PBRM1: variants seen among roughly 807,000 people sequenced by gnomAD.
The protein encoded by PBRM1 is protein polybromo-1.
PBRM1 carries 27 observed loss-of-function variants against 194.5 expected under a neutral mutation model. The observed-to-expected ratio is 0.14, with a 90% CI of 0.10 to 0.19. PBRM1 has a LOEUF of 0.19. PBRM1 is among the 10% of genes least tolerant of loss of function. The probability of loss-of-function intolerance (pLI) is 1.00; values close to 1 mark genes in which losing one functional copy is unlikely to be tolerated. For missense variants in PBRM1, 1,466 were observed against 2,077.2 expected, an observed-to-expected ratio of 0.71 and a Z score of 5.72; for synonymous variants, 655 against 693.2, an observed-to-expected ratio of 0.94 and a Z score of 0.87.
intron 3 of PBRM1, among the ~76,000 whole-genome samples, chr3:52,664,607 C>T (rs189653539): frequency 6.6e-6 from 1 of 151,208 alleles, no homozygotes; most frequent in African/African-American, 2.4e-5. Context: ...TGGTGGCAGG[C>T]GCCTGTAATC....
At chr3:52,652,106 G>A (rs969541915) in intron 5 of PBRM1, among the ~76,000 whole-genome samples, 8 of 152,210 alleles carry the variant, frequency 5.3e-5, no homozygotes, top group Non-Finnish European at 7.3e-5. Context: ...GGCTGGGGCC[G>A]GGTGCGGTAG....
chr3:52,640,068 T>C (rs2096010718), intron 10 of PBRM1, among the ~76,000 whole-genome samples: 1 of 152,196 alleles, frequency 6.6e-6, no homozygotes, highest in South Asian at 2.1e-4. Flanking sequence ...TATTTTGAGC[T>C]CTTCTACAAT....
intron 13 of PBRM1, among the ~76,000 whole-genome samples, chr3:52,619,054 C>T (rs894538744): frequency 5.9e-5 from 9 of 151,860 alleles, no homozygotes; most frequent in Non-Finnish European, 1.0e-4. Context: ...CGGCTGTGCC[C>T]GGCTAATTTT....
intron 10 of PBRM1, among the ~76,000 whole-genome samples, chr3:52,637,965 A>G (rs932981220): frequency 1.3e-4 from 20 of 151,862 alleles, no homozygotes; most frequent in Admixed American, 1.1e-3. Context: ...AGAAAAAAGA[A>G]AAAAAGGAGA....
At chr3:52,659,762 A>G (rs772322798) in intron 4 of PBRM1, among the ~76,000 whole-genome samples, 6 of 152,100 alleles carry the variant, frequency 3.9e-5, no homozygotes, top group Admixed American at 1.3e-4. Context: ...GAAACCTGAA[A>G]ATTTCTTCTC....
At chr3:52,546,285 A>T (rs976132697), downstream of PBRM1, 1 of 232,902 alleles carries the variant, frequency 4.3e-6, no homozygotes, top group Non-Finnish European at 8.5e-6. Flanking sequence ...TGATTGCATT[A>T]TACAGTCCAT....
chr3:52,567,938 C>A (rs551668399), intron 22 of PBRM1, among the ~76,000 whole-genome samples: 1 of 151,398 alleles, frequency 6.6e-6, no homozygotes, highest in Non-Finnish European at 1.5e-5. Flanking sequence ...TGTGAACCAC[C>A]GTGCCCAGCC....
intron 10 of PBRM1, among the ~76,000 whole-genome samples, chr3:52,641,449 AAAAAAAAAAAAAAAG>A (rs2096076517): frequency 6.8e-6 from 1 of 147,582 alleles, no homozygotes; most frequent in African/African-American, 2.5e-5. Flanking sequence ...TCCATCTCAA[AAAAAAAAAAAAAAAG>A]AAAAAAAAAA....
At chr3:52,574,653 G>A (rs2088759131) in intron 22 of PBRM1, among the ~76,000 whole-genome samples, 1 of 152,156 alleles carries the variant, frequency 6.6e-6, no homozygotes, top group African/African-American at 2.4e-5. Context: ...GACCTAAGAA[G>A]GCCCTAAGAT....
intron 22 of PBRM1, among the ~76,000 whole-genome samples, chr3:52,570,220 G>A (rs1047921871): frequency 6.6e-6 from 1 of 152,112 alleles, no homozygotes; most frequent in Admixed American, 6.6e-5. Context: ...CAGGTGATCC[G>A]CCCTCCTTGG....
intron 13 of PBRM1, 85 bp downstream of exon 15, chr3:52,624,812 C>T: frequency 5.6e-6 from 5 of 896,372 alleles, no homozygotes; most frequent in Non-Finnish European, 9.0e-6. Flanking sequence ...ATGCTTAAGG[C>T]TTCACTTTTC....
At chr3:52,554,030 G>GCT (rs2081668202) in intron 27 of PBRM1, among the ~76,000 whole-genome samples, 1 of 151,912 alleles carries the variant, frequency 6.6e-6, no homozygotes. Flanking sequence ...GAACTCCTGG[G>GCT]CTCAAGTGAT....
intron 21 of PBRM1, 96 bp downstream of exon 23, chr3:52,578,958 G>A (rs2153682973): frequency 1.8e-6 from 2 of 1,142,536 alleles, no homozygotes; most frequent in Non-Finnish European, 1.3e-6. Flanking sequence ...AACTGCCAGG[G>A]GAAGGACTTT....
chr3:52,609,869 T>A lies in PBRM1; in HGVS notation c.2011A>T (p.Asn671Tyr). ...CGGCGACCCCTCTTATCAGTATAGT[T>A]CTTTACAGCTTCATAGACCTCATTT... The change falls in exon 16 of 30, where the codon AAC becomes TAC. Residue 671 changes from asparagine to tyrosine, a missense_variant. By Grantham distance (143) the Asn-to-Tyr change is moderately radical (BLOSUM62 -2). Around this residue, in one of 5 missense-constraint regions of PBRM1, gnomAD observed 687 missense variants for 946.2 expected, o/e 0.73. Coordinates refer to ENST00000296302, the Ensembl canonical transcript of PBRM1. This position sits in a 1 kb window ranked among gnomAD's most constrained non-coding sequence, Gnocchi z 4.1. The A allele has an allele frequency of 1.2e-6, 2 of 1,601,462 alleles. No individual in the cohort carries two copies. The highest frequency in any genetic ancestry group is 1.7e-4 in the Middle Eastern group (1 of 6,000).
chr3:52,678,120 C>T (rs143657197), intron 2 of PBRM1, among the ~76,000 whole-genome samples: 1 of 152,228 alleles, frequency 6.6e-6, no homozygotes, highest in African/African-American at 2.4e-5. Flanking sequence ...GATCTTTCCG[C>T]ATAGGTCATT....
In PBRM1 at chr3:52,609,446, G is replaced by T. The variant is rs761661407; in HGVS notation, c.2434C>A (p.Pro812Thr). The change falls in exon 16 of 30, where the codon CCC (proline) becomes ACC (threonine). Residue 812 changes from proline to threonine, a missense_variant. Coordinates refer to ENST00000296302, the Ensembl canonical transcript of PBRM1. This position sits in a 1 kb window ranked among gnomAD's most constrained non-coding sequence, Gnocchi z 4.1. ...AGGGGTGGTTTGTTAGGAAAGTTGG[G>T]ATCCACAGCAGGAATTTCTGCTAAA... is the stretch of plus-strand genomic sequence containing the variant. The T allele has an allele frequency of 6.2e-7, 1 of 1,614,004 alleles. No individual in the cohort carries two copies. The highest frequency in any genetic ancestry group is 1.3e-5 in the African/African-American group (1 of 75,032).
At chr3:52,655,793 AATAACT>A (rs1478044050) in intron 5 of PBRM1, among the ~76,000 whole-genome samples, 1 of 152,200 alleles carries the variant, frequency 6.6e-6, no homozygotes, top group African/African-American at 2.4e-5. Flanking sequence ...CACACCTTTA[AATAACT>A]ATAGTCTTGC....
intron 10 of PBRM1, among the ~76,000 whole-genome samples, 188 bp from the exon 12 acceptor site, chr3:52,635,003 G>A (rs2153649890): frequency 6.6e-6 from 1 of 152,274 alleles, no homozygotes; most frequent in East Asian, 1.9e-4. Context: ...TTGGCTCCCT[G>A]CAGTCTCTGC....
intron 17 of PBRM1, among the ~76,000 whole-genome samples, chr3:52,600,800 G>A (rs1341995167): frequency 1.3e-5 from 2 of 152,056 alleles, no homozygotes; most frequent in Non-Finnish European, 2.9e-5. Flanking sequence ...CACCACGCCT[G>A]GCTAATTTTT....
Sources: gnomAD v4.1 joint callset for allele counts (sites outside exome capture counted in the v4.1 genomes callset) on GRCh38, gnomAD v4.1.1 for gene constraint, gnomAD v4.1.1 regional missense constraint, Gnocchi (gnomAD v3.1) non-coding constraint, MANE v1.5 for transcripts, NCBI Gene and HGNC (gene_info 2026-07-23, HGNC 2026-07-21) for gene names.